DLGAP2: variants seen among roughly 807,000 people sequenced by gnomAD.
DLGAP2 encodes DLG associated protein 2.
In DLGAP2, 26 loss-of-function variants were observed where a neutral mutation model predicts 100.3. The observed-to-expected ratio is 0.26, with a 90% CI of 0.19 to 0.36. DLGAP2 has a LOEUF of 0.36. Among genes scored for constraint, DLGAP2 ranks in the 10% least tolerant of loss-of-function variants. DLGAP2 has a pLI of 1.00. For synonymous variants in DLGAP2, 886 were observed against 630.1 expected, an observed-to-expected ratio of 1.41 and a Z score of -6.08; for missense variants, 1,858 against 1,453.2, an observed-to-expected ratio of 1.28 and a Z score of -4.53.
chr8:1,113,546 T>G (rs1805025257), intron 2 of DLGAP2, among the ~76,000 whole-genome samples: 1 of 152,206 alleles, frequency 6.6e-6, no homozygotes, highest in Admixed American at 6.5e-5. Context: ...TGTACATTGA[T>G]TTTGTATCCT....
intron 4 of DLGAP2, among the ~76,000 whole-genome samples, chr8:1,516,620 G>A (rs1800399197): frequency 6.9e-6 from 1 of 145,148 alleles, no homozygotes. Context: ...AGTGAATCAG[G>A]GAGGGAAGGA....
rs748478539 is a variant in DLGAP2, at chr8:1,549,250, A to ACCACCACGC, written c.808_816dup (p.His270_Ala272dup). On this transcript the variant is annotated inframe_insertion, in exon 5 of 15. Coordinates refer to ENST00000637795, the MANE Select transcript of DLGAP2 (RefSeq NM_001346810.2). ...AAGGCGGACGGCCGGGCGGACGACC[A>ACCACCACGC]CCACCACGCCCACCACGCCAAGCAC... is the stretch of plus-strand genomic sequence containing the variant. 1.7e-4 allele frequency: 273 copies of ACCACCACGC among 1,609,792 alleles called. 1 individual carries two copies. Among genetic ancestry groups the ACCACCACGC allele is most frequent in the Admixed American group, 2.4e-4 (14 of 59,518 alleles).
chr8:1,194,469 T>C (rs1253502624), intron 2 of DLGAP2, among the ~76,000 whole-genome samples: 10 of 152,088 alleles, frequency 6.6e-5, no homozygotes, highest in African/African-American at 2.4e-4. Context: ...ACGGCAGAGC[T>C]TCCCTCAGTC....
chr8:1,258,955 T>C (rs1168336206), intron 3 of DLGAP2, 72 bp downstream of exon 3: 20 of 1,177,246 alleles, frequency 1.7e-5, no homozygotes, highest in Non-Finnish European at 2.0e-5. Context: ...GGCAACAGTC[T>C]ACCATGAAAC....
chr8:1,419,231 T>C (rs1797025589), intron 3 of DLGAP2, among the ~76,000 whole-genome samples: 1 of 136,914 alleles, frequency 7.3e-6, no homozygotes, highest in Non-Finnish European at 1.7e-5. Context: ...TGTGTGTGTG[T>C]GTAGGTTTTG....
At chr8:1,419,574 T>C (rs951528396) in intron 3 of DLGAP2, among the ~76,000 whole-genome samples, 4 of 152,186 alleles carry the variant, frequency 2.6e-5, no homozygotes, top group African/African-American at 9.7e-5. Context: ...GTGTACATAA[T>C]GTATAAGGTG....
chr8:1,150,431 G>T (rs902152345), intron 2 of DLGAP2, among the ~76,000 whole-genome samples: 1 of 152,202 alleles, frequency 6.6e-6, no homozygotes, highest in Non-Finnish European at 1.5e-5. Flanking sequence ...GCTGTCCTAG[G>T]CATGGCTTTG....
intron 8 of DLGAP2, among the ~76,000 whole-genome samples, chr8:1,653,605 C>G (rs536730856): frequency 6.6e-6 from 1 of 152,158 alleles, no homozygotes; most frequent in African/African-American, 2.4e-5. Context: ...CTCTCAGATC[C>G]GTGGGCAGAG....
At chr8:1,509,895 G>T (rs531555753) in intron 4 of DLGAP2, among the ~76,000 whole-genome samples, 1 of 152,286 alleles carries the variant, frequency 6.6e-6, no homozygotes, top group South Asian at 2.1e-4. Context: ...CAGGTTTAAA[G>T]GTGCATTCAG....
chr8:925,250 T>G (rs1798788880), intron 2 of DLGAP2, among the ~76,000 whole-genome samples: 1 of 152,146 alleles, frequency 6.6e-6, no homozygotes, highest in Non-Finnish European at 1.5e-5. Context: ...GGACGACAGG[T>G]GCACACCACC....
intron 1 of DLGAP2, among the ~76,000 whole-genome samples, chr8:875,783 C>T (rs1191493027): frequency 6.6e-6 from 1 of 152,138 alleles, no homozygotes; most frequent in East Asian, 1.9e-4. Flanking sequence ...GATTTTTTCA[C>T]TATATTTTTG....
chr8:1,155,736 C>T (rs1380601606), intron 2 of DLGAP2, among the ~76,000 whole-genome samples: 2 of 152,176 alleles, frequency 1.3e-5, no homozygotes, highest in African/African-American at 4.8e-5. Flanking sequence ...GCGCGGGCTG[C>T]GTCCCTGGAG....
chr8:1,067,700 G>T (rs146985709), intron 2 of DLGAP2, among the ~76,000 whole-genome samples: 1 of 151,784 alleles, frequency 6.6e-6, no homozygotes, highest in East Asian at 1.9e-4. Flanking sequence ...AGTGGAAAGT[G>T]CAGACAGTTC....
At chr8:993,630 T>C (rs1800693229) in intron 2 of DLGAP2, among the ~76,000 whole-genome samples, 1 of 152,194 alleles carries the variant, frequency 6.6e-6, no homozygotes, top group South Asian at 2.1e-4. Context: ...TCCTTTCTCC[T>C]GTATCAAGCG....
chr8:1,648,545 C>G (rs373324800), intron 8 of DLGAP2, among the ~76,000 whole-genome samples: 2 of 152,122 alleles, frequency 1.3e-5, no homozygotes, highest in African/African-American at 4.8e-5. Context: ...TGGTCATAGG[C>G]CATTGGTCCC....
chr8:1,685,273 G>C (rs151154621), intron 12 of DLGAP2, among the ~76,000 whole-genome samples: 28 of 152,366 alleles, frequency 1.8e-4, no homozygotes, highest in Admixed American at 1.4e-3. Context: ...CATGGCCACA[G>C]AGAACTGTGC....
At chr8:1,042,217 C>T (rs1051941646) in intron 2 of DLGAP2, among the ~76,000 whole-genome samples, 3 of 152,210 alleles carry the variant, frequency 2.0e-5, no homozygotes, top group Non-Finnish European at 2.9e-5. Context: ...AGGCTGCTCA[C>T]CCCCTGGCTG....
intron 3 of DLGAP2, among the ~76,000 whole-genome samples, chr8:1,265,492 T>G (rs1799432670): frequency 6.6e-6 from 1 of 152,148 alleles, no homozygotes; most frequent in Non-Finnish European, 1.5e-5. Flanking sequence ...ATGTCTGGAA[T>G]TAAATGAGAA....
intron 2 of DLGAP2, among the ~76,000 whole-genome samples, chr8:1,190,020 G>C (rs1384557968): frequency 6.6e-6 from 1 of 152,196 alleles, no homozygotes; most frequent in African/African-American, 2.4e-5. Flanking sequence ...GGAGTTTAAA[G>C]GCCCTCCTTT....
Sources: allele counts gnomAD v4.1 joint callset (sites outside exome capture counted in the v4.1 genomes callset), GRCh38; gene constraint gnomAD v4.1.1; transcripts MANE v1.5; gene names NCBI Gene and HGNC (gene_info 2026-07-23, HGNC 2026-07-21).